Variants in CSMD1 observed in about 807,000 individuals in gnomAD.
CSMD1 encodes CUB and Sushi multiple domains 1.
In CSMD1, 213 loss-of-function variants were observed where a neutral mutation model predicts 417.5. The observed-to-expected ratio is 0.51, with a 90% confidence interval of 0.46 to 0.57. The LOEUF is 0.57. Ranked by LOEUF, CSMD1 falls within the 20% of genes least tolerant of loss-of-function variation. The pLI, the probability that CSMD1 is intolerant of heterozygous loss-of-function variation, is 0.00. For missense variants in CSMD1, 6,923 were observed against 4,529.7 expected, an observed-to-expected ratio of 1.53 and a Z score of -15.17; for synonymous variants, 2,862 against 1,736.8, an observed-to-expected ratio of 1.65 and a Z score of -16.11.
intron 10 of CSMD1, among the ~76,000 whole-genome samples, chr8:3,523,413 C>T (rs1797596676): frequency 6.6e-6 from 1 of 152,178 alleles, no homozygotes; most frequent in Non-Finnish European, 1.5e-5. Flanking sequence ...GAGATCAAAG[C>T]GTTTGCAACC....
intron 1 of CSMD1, among the ~76,000 whole-genome samples, chr8:4,758,306 G>A (rs971034585): frequency 6.6e-6 from 1 of 152,300 alleles, no homozygotes; most frequent in East Asian, 1.9e-4. Flanking sequence ...TGAATGTTAT[G>A]CTTAATTCGC....
chr8:4,622,408 C>T (rs373355095), intron 2 of CSMD1, among the ~76,000 whole-genome samples: 2 of 152,148 alleles, frequency 1.3e-5, no homozygotes, highest in South Asian at 2.1e-4. Flanking sequence ...TGGCGAGCTA[C>T]CCGATGGGGT....
Position 3,355,531 on chromosome 8 carries a change from T to A in CSMD1, c.3304+3621A>T, listed in dbSNP as rs145301340. Among the ~76,000 whole-genome samples the A allele has an allele frequency of 2.7e-3, 414 of 152,286 alleles. 3 individuals carry two copies. The highest frequency in any genetic ancestry group is 9.6e-3 in the African/African-American group (399 of 41,570). On this transcript the variant is annotated intron_variant, in intron 21 of 69. Coordinates refer to ENST00000635120, the MANE Select transcript of CSMD1 (RefSeq NM_033225.6). ...TCAGGAATAGGCATGGGACTCAATG[T>A]GGGCCAATGAGAGGAAACCCAGGAC...
chr8:4,906,601 C>T (rs904117823), intron 1 of CSMD1, among the ~76,000 whole-genome samples: 16 of 150,084 alleles, frequency 1.1e-4, no homozygotes, highest in Admixed American at 9.3e-4. Context: ...CTTTGTCGAC[C>T]AGGTTGAAGT....
At chr8:3,025,026 C>CGGTGTTATTCTGAAACCCTGTATTGTGT (rs1563250889) in intron 51 of CSMD1, among the ~76,000 whole-genome samples, 18 of 122,606 alleles carry the variant, frequency 1.5e-4, no homozygotes, top group African/African-American at 4.6e-4. Flanking sequence ...GTGTATTGTG[C>CGGTGTTATTCTGAAACCCTGTATTGTGT]GGTGTTATTC....
chr8:3,195,966 T>C (rs1796681298), intron 33 of CSMD1, among the ~76,000 whole-genome samples: 1 of 152,136 alleles, frequency 6.6e-6, no homozygotes, highest in Non-Finnish European at 1.5e-5. Context: ...GGCTGAGACC[T>C]ACTAGGCTAA....
intron 1 of CSMD1, among the ~76,000 whole-genome samples, chr8:4,968,244 T>G (rs6992245): frequency 6.6e-6 from 1 of 151,802 alleles, no homozygotes; most frequent in Admixed American, 6.6e-5. Flanking sequence ...AAAATTCAAT[T>G]TATATTATGG....
intron 6 of CSMD1, among the ~76,000 whole-genome samples, chr8:3,736,404 T>A (rs909138966): frequency 1.3e-5 from 2 of 151,098 alleles, no homozygotes; most frequent in Admixed American, 1.3e-4. Flanking sequence ...CCACCATGCA[T>A]GGCTAATGTA....
At chr8:3,473,150 C>T (rs1817204352) in intron 11 of CSMD1, among the ~76,000 whole-genome samples, 1 of 152,180 alleles carries the variant, frequency 6.6e-6, no homozygotes, top group Admixed American at 6.5e-5. Flanking sequence ...ACATACCTCT[C>T]AGTCGATATA....
intron 26 of CSMD1, among the ~76,000 whole-genome samples, chr8:3,281,129 C>T (rs551735164): frequency 6.6e-6 from 1 of 152,136 alleles, no homozygotes; most frequent in African/African-American, 2.4e-5. Context: ...TGAAGCAACC[C>T]GTATGTCCTT....
At chr8:3,987,699 T>G (rs1814436707) in intron 5 of CSMD1, among the ~76,000 whole-genome samples, 2 of 152,146 alleles carry the variant, frequency 1.3e-5, no homozygotes, top group African/African-American at 4.8e-5. Flanking sequence ...AACAGGAAAC[T>G]GCAAGGTGGA....
At chr8:3,691,141 C>T (rs913438907) in intron 7 of CSMD1, among the ~76,000 whole-genome samples, 6 of 151,938 alleles carry the variant, frequency 3.9e-5, no homozygotes, top group East Asian at 1.9e-4. Context: ...CCGGGGCAGG[C>T]GGATCACCTG....
At chr8:3,767,139 T>C (rs1163320827) in intron 5 of CSMD1, among the ~76,000 whole-genome samples, 1 of 152,224 alleles carries the variant, frequency 6.6e-6, no homozygotes, top group African/African-American at 2.4e-5. Flanking sequence ...GGCTGCTGTG[T>C]CTCCAGCTGG....
At chr8:3,899,642 G>A (rs1337970933) in intron 5 of CSMD1, among the ~76,000 whole-genome samples, 1 of 152,176 alleles carries the variant, frequency 6.6e-6, no homozygotes, top group Non-Finnish European at 1.5e-5. Context: ...GGTTTTGGAG[G>A]CTGAGAAACT....
chr8:3,684,287 TAATA>T lies in CSMD1; in HGVS notation c.1009+24123_1009+24126del, dbSNP rs895135691. Among the ~76,000 whole-genome samples the T allele has an allele frequency of 3.3e-4, 47 of 144,370 alleles. 1 individual carries two copies. The highest frequency in any genetic ancestry group is 3.0e-3 in the Admixed American group (42 of 13,834). 94.7% of individuals were successfully genotyped at this position (144,370 alleles called of 152,430 possible). On this transcript the variant is annotated intron_variant, in intron 7 of 69. Transcript: ENST00000635120. ...ATAGCTATATGTTATATATTATATA[TAATA>T]TATAAATTATATATTATATAAAATA... is the stretch of plus-strand genomic sequence containing the variant.
At chr8:4,958,573 A>G (rs1809271224) in intron 1 of CSMD1, among the ~76,000 whole-genome samples, 1 of 152,214 alleles carries the variant, frequency 6.6e-6, no homozygotes, top group Admixed American at 6.5e-5. Context: ...AAATTCTGAC[A>G]GCTTCTTAAG....
chr8:4,095,124 G>C (rs10107190), intron 3 of CSMD1, among the ~76,000 whole-genome samples: 115,711 of 152,094 alleles, frequency 0.76, 45,403 homozygotes, highest in East Asian at 1. Context: ...GATATGGAAA[G>C]AACTTGGGAG....
At chr8:3,261,854 G>A (rs1469520899) in intron 26 of CSMD1, among the ~76,000 whole-genome samples, 3 of 152,068 alleles carry the variant, frequency 2.0e-5, no homozygotes, top group African/African-American at 4.8e-5. Flanking sequence ...AAGGCATGCG[G>A]GCCGAGGTCA....
At chr8:2,964,403 T>G (rs1031560073) in intron 59 of CSMD1, among the ~76,000 whole-genome samples, 1 of 152,154 alleles carries the variant, frequency 6.6e-6, no homozygotes, top group African/African-American at 2.4e-5. Context: ...CCCAAGGGAA[T>G]GTCCAGGGGG....
Sources: gnomAD v4.1 joint callset for allele counts (sites outside exome capture counted in the v4.1 genomes callset) on GRCh38, gnomAD v4.1.1 for gene constraint, MANE v1.5 for transcripts, NCBI Gene and HGNC (gene_info 2026-07-23, HGNC 2026-07-21) for gene names.